Variants in RANBP2 observed in about 807,000 individuals in gnomAD.
RANBP2 encodes E3 SUMO-protein ligase RanBP2.
In RANBP2, 57 loss-of-function variants were observed where a neutral mutation model predicts 303.6. That is an observed-to-expected ratio of 0.19 (90% CI 0.15 to 0.23). RANBP2 has a LOEUF of 0.23. RANBP2 is among the 10% of genes least tolerant of loss of function. RANBP2 has a pLI of 1.00. For missense variants in RANBP2, 3,138 were observed against 3,780.8 expected (o/e 0.83, Z 4.46); for synonymous variants, 1,167 against 1,301.5 (o/e 0.90, Z 2.23).
chr2:108,744,058 C>T (rs1163390802), intron 7 of RANBP2, among the ~76,000 whole-genome samples: 1 of 152,182 alleles, frequency 6.6e-6, no homozygotes, highest in Non-Finnish European at 1.5e-5. Context: ...CTAGTAAGTG[C>T]ATCTGCATTG....
chr2:109,674,505 C>T, the RANBP2 span, among the ~76,000 whole-genome samples: 1 of 151,648 alleles, frequency 6.6e-6, no homozygotes, highest in Admixed American at 6.6e-5. Flanking sequence ...TGCTTGAGCC[C>T]AGAAGGTTGT....
chr2:109,606,332 T>A, the RANBP2 span, among the ~76,000 whole-genome samples: 1 of 147,158 alleles, frequency 6.8e-6, no homozygotes, highest in African/African-American at 2.4e-5. Context: ...GGAGAATCGT[T>A]TGAACCCGGG....
the RANBP2 span, among the ~76,000 whole-genome samples, chr2:109,375,744 CT>C: frequency 1.3e-5 from 2 of 152,238 alleles, no homozygotes; most frequent in Admixed American, 6.5e-5. Flanking sequence ...TGCAGCCCCC[CT>C]CTCTTTCTGC....
At chr2:108,877,475 AAAAT>A in the RANBP2 span, among the ~76,000 whole-genome samples, 24 of 152,260 alleles carry the variant, frequency 1.6e-4, no homozygotes, top group Admixed American at 3.9e-4. Context: ...CAAAAAAATA[AAAAT>A]AAATAAATAA....
chr2:108,721,969 C>T (rs1176485184), intron 1 of RANBP2, among the ~76,000 whole-genome samples: 2 of 151,454 alleles, frequency 1.3e-5, no homozygotes, highest in Non-Finnish European at 2.9e-5. Context: ...AACTCCTGGG[C>T]TCAAGTGATC....
chr2:109,101,020 G>C, the RANBP2 span, among the ~76,000 whole-genome samples: 1 of 152,138 alleles, frequency 6.6e-6, no homozygotes, highest in Admixed American at 6.5e-5. Context: ...GGTTCAAGGG[G>C]TGGGTACTAC....
chr2:109,717,934 A>G, the RANBP2 span, among the ~76,000 whole-genome samples: 2 of 152,194 alleles, frequency 1.3e-5, no homozygotes, highest in Non-Finnish European at 2.9e-5. Context: ...AAACAAAAAC[A>G]CAAAACCATT....
the RANBP2 span, among the ~76,000 whole-genome samples, chr2:109,722,813 G>A: frequency 6.6e-6 from 1 of 152,166 alleles, no homozygotes; most frequent in African/African-American, 2.4e-5. Context: ...ACATGATCTT[G>A]TTCCTTTTTA....
chr2:109,120,345 C>T, the RANBP2 span, among the ~76,000 whole-genome samples: 2 of 152,194 alleles, frequency 1.3e-5, no homozygotes, highest in Non-Finnish European at 2.9e-5. Flanking sequence ...TCAACCCCTC[C>T]CCTCAGGCCA....
At chr2:109,386,785 G>T in the RANBP2 span, among the ~76,000 whole-genome samples, 1 of 152,140 alleles carries the variant, frequency 6.6e-6, no homozygotes, top group Non-Finnish European at 1.5e-5. Flanking sequence ...GCTAGACCTT[G>T]CCTGAAACAT....
chr2:108,792,750 T>C, the RANBP2 span, among the ~76,000 whole-genome samples: 1 of 152,204 alleles, frequency 6.6e-6, no homozygotes, highest in African/African-American at 2.4e-5. Context: ...GGGGCTTCCA[T>C]GAGTCTAGTG....
chr2:108,811,554 C>T, the RANBP2 span, among the ~76,000 whole-genome samples: 1 of 151,932 alleles, frequency 6.6e-6, no homozygotes, highest in Non-Finnish European at 1.5e-5. Context: ...CTTCTTTTTT[C>T]TTAGTCTAGC....
At chr2:108,772,438 GA>G (rs1382806412) in intron 21 of RANBP2, 50 bp from the exon 22 acceptor site, 2 of 1,522,522 alleles carry the variant, frequency 1.3e-6, no homozygotes, top group South Asian at 2.3e-5. Flanking sequence ...CCTAAGCAAG[GA>G]AAACCCCCCA....
chr2:108,941,727 CCTT>C, the RANBP2 span, among the ~76,000 whole-genome samples: 6 of 152,200 alleles, frequency 3.9e-5, no homozygotes, highest in African/African-American at 1.4e-4. Context: ...TCAACCCAAG[CCTT>C]CTCTCCTAGG....
chr2:109,196,609 A>G, the RANBP2 span, among the ~76,000 whole-genome samples: 1 of 151,094 alleles, frequency 6.6e-6, no homozygotes, highest in Non-Finnish European at 1.5e-5. Context: ...TGGCCTTGAA[A>G]CTCCGAGTGC....
intron 9 of RANBP2, among the ~76,000 whole-genome samples, chr2:108,749,995 C>T (rs1231810741): frequency 2.0e-5 from 3 of 152,152 alleles, no homozygotes; most frequent in African/African-American, 4.8e-5. Flanking sequence ...ACTAAAAATA[C>T]AAAAATTATC....
At chr2:109,236,303 C>T in the RANBP2 span, among the ~76,000 whole-genome samples, 1 of 152,118 alleles carries the variant, frequency 6.6e-6, no homozygotes, top group Non-Finnish European at 1.5e-5. Flanking sequence ...CATGCAGTGT[C>T]GGGGCAGGGG....
the RANBP2 span, chr2:109,449,636 G>C: frequency 9.0e-7 from 1 of 1,110,180 alleles, no homozygotes; most frequent in South Asian, 1.7e-5. Flanking sequence ...GCGTGTGACA[G>C]AGAGGGAGCC....
chr2:109,156,435 G>GGATGAATT, the RANBP2 span, among the ~76,000 whole-genome samples: 1 of 152,100 alleles, frequency 6.6e-6, no homozygotes. Flanking sequence ...ATACACTAAG[G>GGATGAATT]GATGAATTTT....
Sources: gnomAD v4.1 joint callset for allele counts (sites outside exome capture counted in the v4.1 genomes callset) on GRCh38, gnomAD v4.1.1 for gene constraint, MANE v1.5 for transcripts, NCBI Gene and HGNC (gene_info 2026-07-23, HGNC 2026-07-21) for gene names.